GPBP1: variants seen among roughly 807,000 people sequenced by gnomAD.
The protein encoded by GPBP1 is vasculin.
Under a neutral mutation model 56.5 loss-of-function variants are expected in GPBP1, and 13 were observed. That is an observed-to-expected ratio of 0.23 (90% CI 0.15 to 0.37). GPBP1 has a LOEUF of 0.37. GPBP1 is among the 10% of genes least tolerant of loss of function. GPBP1 has a pLI of 1.00. For synonymous variants in GPBP1, 204 were observed against 188.9 expected, an observed-to-expected ratio of 1.08 and a Z score of -0.66; for missense variants, 477 against 572.3, an observed-to-expected ratio of 0.83 and a Z score of 1.70.
intron 2 of GPBP1, among the ~76,000 whole-genome samples, chr5:57,204,808 C>T (rs183712442): frequency 9.6e-4 from 146 of 152,196 alleles, no homozygotes; most frequent in Middle Eastern, 3.4e-3. Flanking sequence ...TGCAAAGCTG[C>T]AATTAATTTT....
intron 2 of GPBP1, among the ~76,000 whole-genome samples, chr5:57,203,346 A>G (rs1755098401): frequency 3.3e-5 from 5 of 152,166 alleles, no homozygotes; most frequent in Admixed American, 3.3e-4. Flanking sequence ...TAAGTAAAGC[A>G]TAGAAAGGGT....
intron 11 of GPBP1, among the ~76,000 whole-genome samples, 175 bp from the exon 12 acceptor site, chr5:57,262,419 G>T (rs990118169): frequency 1.3e-5 from 2 of 152,112 alleles, no homozygotes; most frequent in African/African-American, 2.4e-5. Context: ...ACCTTAATCA[G>T]TGTGACAATT....
At chr5:57,184,704 A>T (rs1399148706) in intron 2 of GPBP1, among the ~76,000 whole-genome samples, 1 of 152,188 alleles carries the variant, frequency 6.6e-6, no homozygotes, top group African/African-American at 2.4e-5. Flanking sequence ...TTTAAAGTGT[A>T]TACAGTTGTG....
intron 3 of GPBP1, among the ~76,000 whole-genome samples, chr5:57,214,733 G>A (rs1344640961): frequency 6.6e-6 from 1 of 151,892 alleles, no homozygotes; most frequent in African/African-American, 2.4e-5. Context: ...TTGGCTTATT[G>A]TAGCCTACAC....
chr5:57,177,654 T>TC (rs1223132766), intron 2 of GPBP1, among the ~76,000 whole-genome samples: 1 of 67,708 alleles, frequency 1.5e-5, no homozygotes, highest in African/African-American at 5.0e-5. Context: ...TTGCCTTTTT[T>TC]TTTTTTTTTT....
At chr5:57,255,768 T>G (rs1741630080) in intron 10 of GPBP1, among the ~76,000 whole-genome samples, 1 of 152,226 alleles carries the variant, frequency 6.6e-6, no homozygotes, top group Non-Finnish European at 1.5e-5. Context: ...AATAGACATA[T>G]CTAATGTTTA....
chr5:57,240,870 A>T (rs1388133192), intron 6 of GPBP1, among the ~76,000 whole-genome samples: 1 of 151,706 alleles, frequency 6.6e-6, no homozygotes, highest in Non-Finnish European at 1.5e-5. Context: ...GCTACTCGGG[A>T]GGCTGAGGCA....
intron 10 of GPBP1, among the ~76,000 whole-genome samples, chr5:57,260,013 C>T (rs980105003): frequency 1.3e-5 from 2 of 152,136 alleles, no homozygotes; most frequent in Admixed American, 1.3e-4. Flanking sequence ...AAGCCATGTG[C>T]AGTTCTTTGA....
At position 57,234,806 on chromosome 5, in the gene GPBP1, G is replaced by T. The variant is rs112442029; in HGVS notation, c.412-1160G>T. Among the ~76,000 whole-genome samples the T allele has an allele frequency of 7.9e-3, 1,196 of 152,256 alleles. 15 individuals are homozygous for T. Among genetic ancestry groups the T allele is most frequent in the African/African-American group, 0.028 (1,149 of 41,542 alleles). On this transcript the variant is annotated intron_variant, in intron 5 of 11. Coordinates refer to ENST00000506184, the MANE Select transcript of GPBP1 (RefSeq NM_022913.4). ...AATAGAAATTCCCAGGTGACAGCCA[G>T]CAAGGAAATGGAGACCTCAGTCCTA...
At chr5:57,200,192 C>T (rs185946917) in intron 2 of GPBP1, among the ~76,000 whole-genome samples, 91 of 109,556 alleles carry the variant, frequency 8.3e-4, no homozygotes, top group Middle Eastern at 6.3e-3. Flanking sequence ...TTCTTTCTTT[C>T]GTTTTAGAAT....
At chr5:57,246,587 G>C (rs1220964347) in intron 7 of GPBP1, 103 bp downstream of exon 7, 2 of 889,386 alleles carry the variant, frequency 2.2e-6, no homozygotes, top group South Asian at 1.9e-5. Flanking sequence ...GAGGTACTTC[G>C]TGGGGTGCTG....
rs1363947434 is a variant in GPBP1, at chr5:57,175,975, TTTA to T, written c.-482_-480del. 2 of 398,436 alleles carry T rather than the reference TTTA, an allele frequency of 5.0e-6. No individual in the cohort carries two copies. Among genetic ancestry groups the T allele is most frequent in the East Asian group, 7.1e-5 (2 of 28,072 alleles). 24.7% of individuals were successfully genotyped at this position (398,436 alleles called of 1,614,324 possible). A position where few individuals can be genotyped will look rare whatever the true frequency, so the allele number is the denominator to read the frequency against. On this transcript the variant is annotated 5_prime_UTR_variant, in exon 2 of 12. An upstream open reading frame in the 5' UTR loses its in-frame stop. Coordinates refer to ENST00000506184, the MANE Select transcript of GPBP1 (RefSeq NM_022913.4). ...CTTTTATCTTTTATTTACGTGGAAA[TTTA>T]AGATGTTGCAGTTTTCCGGCAGCAT...
At chr5:57,213,061 A>G (rs999539884) in intron 2 of GPBP1, among the ~76,000 whole-genome samples, 1 of 145,766 alleles carries the variant, frequency 6.9e-6, no homozygotes, top group Non-Finnish European at 1.5e-5. Flanking sequence ...CTTTTTTTTT[A>G]TTATTTTTTT....
chr5:57,217,253 T>A (rs1258904228), intron 3 of GPBP1, among the ~76,000 whole-genome samples: 1 of 152,046 alleles, frequency 6.6e-6, no homozygotes, highest in Non-Finnish European at 1.5e-5. Flanking sequence ...GGGCCTTCCC[T>A]CCAGCATGAT....
At chr5:57,249,367 C>G (rs779185704) in intron 8 of GPBP1, 42 bp from the exon 9 acceptor site, 1 of 1,459,174 alleles carries the variant, frequency 6.9e-7, no homozygotes, top group Non-Finnish European at 9.3e-7. Flanking sequence ...GACATTGATT[C>G]CTTGGCTACA....
chr5:57,229,579 G>T (rs1297653567), intron 3 of GPBP1, among the ~76,000 whole-genome samples: 1 of 151,692 alleles, frequency 6.6e-6, no homozygotes. Context: ...TCCAGGCTCT[G>T]GAGTACAGTT....
At chr5:57,256,350 G>A (rs1048120759) in intron 10 of GPBP1, among the ~76,000 whole-genome samples, 3 of 152,204 alleles carry the variant, frequency 2.0e-5, no homozygotes, top group East Asian at 1.9e-4. Flanking sequence ...TGAAGAGATA[G>A]TATCAGTGAT....
intron 3 of GPBP1, among the ~76,000 whole-genome samples, chr5:57,225,575 A>G (rs764660376): frequency 1.5e-4 from 23 of 152,064 alleles, no homozygotes; most frequent in Non-Finnish European, 2.9e-4. Context: ...CAGATTCTAC[A>G]AAGTAAGAAT....
chr5:57,201,591 C>G (rs1270028356), intron 2 of GPBP1, among the ~76,000 whole-genome samples: 1 of 152,142 alleles, frequency 6.6e-6, no homozygotes, highest in Non-Finnish European at 1.5e-5. Context: ...TTTTTTTATA[C>G]AAATTGCTTA....
Sources: gnomAD v4.1 joint callset for allele counts (sites outside exome capture counted in the v4.1 genomes callset) on GRCh38, gnomAD v4.1.1 for gene constraint, MANE v1.5 for transcripts, NCBI Gene and HGNC (gene_info 2026-07-23, HGNC 2026-07-21) for gene names.